NINJ2: variants seen among roughly 807,000 people sequenced by gnomAD.
NINJ2 encodes the protein ninjurin 2, also known as ninjurin-2.
A neutral mutation model predicts 11.7 loss-of-function variants in NINJ2; 12 were observed. The ratio of observed to expected loss-of-function variants is 1.02; its 90% CI spans 0.66 to 1.66. The LOEUF is 1.66. Among genes scored for constraint, NINJ2 ranks in the 40% most tolerant of loss-of-function variants. The pLI is 0.00. For synonymous variants in NINJ2, 93 were observed against 76.8 expected (o/e 1.21, Z -1.10); for missense variants, 187 against 181.8 (o/e 1.03, Z -0.16).
rs767742902 is a variant in NINJ2 at position 565,352 on chromosome 12, G to C, written c.312C>G (p.Leu104=). 6 of 1,614,212 alleles carry C rather than the reference G, an allele frequency of 3.7e-6. No homozygotes were observed. The South Asian group carries it at 6.6e-5, about 18-fold the overall frequency. Residue 104 remains leucine, a synonymous_variant, in exon 3 of 4, where the codon CTC becomes CTG. Coordinates refer to ENST00000305108, the MANE Select transcript of NINJ2 (RefSeq NM_016533.6). ...AGACCAAGATGGTGGCTGCGTTGTTGAGCTGGTTGAGTCGCCACTGCTTTT... is the reference window on the plus strand; with the variant it reads ...AGACCAAGATGGTGGCTGCGTTGTTCAGCTGGTTGAGTCGCCACTGCTTTT... ...EVEKQWRLNQ[L]NNAATILVFF...
rs936957920 is a variant in NINJ2, at chr12:567,326, CAGAT to C, written c.34-1152_34-1149del. Among the ~76,000 whole-genome samples the C allele has an allele frequency of 1.1e-4, 17 of 151,876 alleles. No homozygotes were observed. The East Asian group carries it at 1.7e-3, about 16-fold the overall frequency. ...AGGACAGATACCTGCTGCGTGGGGA[CAGAT>C]GGATGGATAGATGGATGCGTGCCTA... On this transcript the variant is annotated intron_variant, in intron 1 of 3. Coordinates refer to ENST00000305108, the MANE Select transcript of NINJ2 (RefSeq NM_016533.6).
intron 1 of NINJ2, among the ~76,000 whole-genome samples, chr12:595,765 A>G (rs79075353): frequency 0.055 from 8,323 of 152,312 alleles, 351 homozygotes; most frequent in Non-Finnish European, 0.081. Flanking sequence ...GGGGGAAAAA[A>G]AAAACACTTT....
intron 1 of NINJ2, among the ~76,000 whole-genome samples, chr12:595,728 G>C (rs1233285502): frequency 6.6e-6 from 1 of 152,042 alleles, no homozygotes; most frequent in Non-Finnish European, 1.5e-5. Context: ...ACTCCAGCCT[G>C]GGCAACAAGA....
rs1947277645 is a variant in NINJ2 at position 565,316 on chromosome 12, C to A, written c.348G>T (p.Val116=). ...AGGCTGTAATGAAAACATTGATGAC[C>A]ACAGTGAAGAAGACCAAGATGGTGG... The part of the protein sequence containing the change: ...NAATILVFFT[V]VINVFITAFG... The change falls in exon 3 of 4, where the codon GTG becomes GTT. Residue 116 remains valine (V), a synonymous_variant. Transcript: ENST00000305108. 1 of 1,614,090 alleles carries A rather than the reference C, an allele frequency of 6.2e-7. No homozygotes were observed. Among genetic ancestry groups the A allele is most frequent in the African/African-American group, 1.3e-5 (1 of 74,918 alleles).
At chr12:613,721 C>A (rs1053147121) in intron 1 of NINJ2, among the ~76,000 whole-genome samples, 6 of 151,568 alleles carry the variant, frequency 4.0e-5, no homozygotes, top group African/African-American at 1.5e-4. Flanking sequence ...CTGGCTAATA[C>A]GGTGAAACCC....
intron 1 of NINJ2, among the ~76,000 whole-genome samples, chr12:658,655 GCTATGCTATGCTA>G (rs1937908230): frequency 6.1e-4 from 1 of 1,650 alleles, no homozygotes. Context: ...ATTATGCTAT[GCTATGCTATGCTA>G]TGCTATGCTA....
At chr12:599,357 A>C (rs1030051007) in intron 1 of NINJ2, among the ~76,000 whole-genome samples, 1 of 152,140 alleles carries the variant, frequency 6.6e-6, no homozygotes, top group Non-Finnish European at 1.5e-5. Flanking sequence ...GCACTACAAG[A>C]CAGAGACTTC....
At position 652,904 on chromosome 12, in the gene NINJ2, G is replaced by A. The variant is rs184414270; in HGVS notation, c.33+10424C>T. Reference sequence around the variant, plus strand: ...GAAGGTTGCAGTGAGCCGAGATCACGCCATTGCACTGCAGCCTGGGCAACA... The same window carrying A: ...GAAGGTTGCAGTGAGCCGAGATCACACCATTGCACTGCAGCCTGGGCAACA... On this transcript the variant is annotated intron_variant, in intron 1 of 3. Coordinates refer to ENST00000305108, the MANE Select transcript of NINJ2 (RefSeq NM_016533.6). Among the ~76,000 whole-genome samples the A allele has an allele frequency of 2.0e-3, 294 of 146,852 alleles. 1 individual carries two copies. The highest frequency in any genetic ancestry group is 7.0e-3 in the African/African-American group (280 of 39,722).
rs1430247438 is a variant in NINJ2, at chr12:617,779, T to C, written c.33+45549A>G. ...GCCACAGAGATTGGGCAACTTCTGT[T>C]GGGCAGCGAGGTCAGGGCCCTGCCT... is the stretch of plus-strand genomic sequence containing the variant. On this transcript the variant is annotated intron_variant, in intron 1 of 3. Transcript: ENST00000305108. 2.0e-5 allele frequency among the ~76,000 whole-genome samples: 3 copies of C among 152,180 alleles called. No homozygotes were observed. The East Asian group carries it at 5.8e-4, about 30-fold the overall frequency.
chr12:651,667 C>T (rs1457114728), intron 1 of NINJ2, among the ~76,000 whole-genome samples: 1 of 152,206 alleles, frequency 6.6e-6, no homozygotes, highest in Non-Finnish European at 1.5e-5. Flanking sequence ...TTTAAAACAA[C>T]TATGATGAAT....
intron 1 of NINJ2, among the ~76,000 whole-genome samples, chr12:658,129 G>A (rs962871380): frequency 2.0e-5 from 3 of 151,408 alleles, no homozygotes; most frequent in Admixed American, 6.6e-5. Context: ...CTCCCGAGTA[G>A]CTGGGATTAC....
chr12:565,174 C>A, intron 3 of NINJ2, 43 bp downstream of exon 3: 1 of 1,519,036 alleles, frequency 6.6e-7, no homozygotes, highest in South Asian at 1.3e-5. Flanking sequence ...AGAAGGGCCA[C>A]CTGGGGAGTC....
At chr12:662,489 T>C (rs1204302527) in intron 1 of NINJ2, among the ~76,000 whole-genome samples, 2 of 152,090 alleles carry the variant, frequency 1.3e-5, no homozygotes, top group African/African-American at 4.8e-5. Flanking sequence ...GAAGTGTATA[T>C]TGGGTGGCTG....
chr12:632,843 G>C (rs529473251), intron 1 of NINJ2, among the ~76,000 whole-genome samples: 34 of 152,192 alleles, frequency 2.2e-4, no homozygotes, highest in Non-Finnish European at 4.9e-4. Context: ...TGAAGTTATA[G>C]CCCTTTCTGG....
chr12:648,351 T>G (rs1331943674), intron 1 of NINJ2, among the ~76,000 whole-genome samples: 1 of 152,232 alleles, frequency 6.6e-6, no homozygotes, highest in Non-Finnish European at 1.5e-5. Context: ...GTGTGGGGAT[T>G]ACAGGCGTGA....
At chr12:646,474 A>C (rs1225185938) in intron 1 of NINJ2, among the ~76,000 whole-genome samples, 1 of 152,156 alleles carries the variant, frequency 6.6e-6, no homozygotes, top group African/African-American at 2.4e-5. Flanking sequence ...TCCCCTTCCC[A>C]ACCCTAGTGA....
At chr12:653,146 G>A (rs557601346) in intron 1 of NINJ2, among the ~76,000 whole-genome samples, 32 of 143,882 alleles carry the variant, frequency 2.2e-4, no homozygotes, top group African/African-American at 8.2e-4. Context: ...TCAGCCTCCC[G>A]AGTAGCTGGG....
At chr12:621,817 G>GA (rs544238368) in intron 1 of NINJ2, among the ~76,000 whole-genome samples, 89,626 of 126,458 alleles carry the variant, frequency 0.71, 31,065 homozygotes, top group Middle Eastern at 0.78. Flanking sequence ...CTCCGTCTCA[G>GA]AAAAAAAAAA....
chr12:661,923 G>C (rs988729512), intron 1 of NINJ2, among the ~76,000 whole-genome samples: 2 of 152,246 alleles, frequency 1.3e-5, no homozygotes, highest in African/African-American at 2.4e-5. Context: ...GGCTGCAGCA[G>C]TGAATAAAAC....
Sources: allele counts gnomAD v4.1 joint callset (sites outside exome capture counted in the v4.1 genomes callset), GRCh38; gene constraint gnomAD v4.1.1; transcripts MANE v1.5; gene names NCBI Gene and HGNC (gene_info 2026-07-23, HGNC 2026-07-21).